MAPRE2: variants seen among roughly 807,000 people sequenced by gnomAD.
MAPRE2 encodes the protein microtubule-associated protein RP/EB family member 2.
MAPRE2 carries 13 observed loss-of-function variants against 43.2 expected under a neutral mutation model. That is an observed-to-expected ratio of 0.30 (90% CI 0.20 to 0.48). MAPRE2 has a LOEUF of 0.48. Among genes scored for constraint, MAPRE2 ranks in the 20% least tolerant of loss-of-function variants. MAPRE2 has a pLI of 0.99. For missense variants in MAPRE2, 161 were observed against 400.2 expected, an observed-to-expected ratio of 0.40 and a Z score of 5.10; for synonymous variants, 135 against 148.8, an observed-to-expected ratio of 0.91 and a Z score of 0.68.
At chr18:35,136,170 G>C (rs935769198) in intron 6 of MAPRE2, among the ~76,000 whole-genome samples, 1 of 152,190 alleles carries the variant, frequency 6.6e-6, no homozygotes, top group Non-Finnish European at 1.5e-5. Context: ...TTCCAGAGCA[G>C]ATACTTATTC....
intron 4 of MAPRE2, 148 bp downstream of exon 4, chr18:35,102,307 C>T: frequency 1.7e-6 from 1 of 581,992 alleles, no homozygotes; most frequent in African/African-American, 2.0e-5. Flanking sequence ...TCTGTTTCAC[C>T]ACATTTATCT....
chr18:35,085,937 C>CT (rs1188937834), intron 2 of MAPRE2, among the ~76,000 whole-genome samples: 2 of 152,104 alleles, frequency 1.3e-5, no homozygotes, highest in Non-Finnish European at 2.9e-5. Context: ...AGATAATAAG[C>CT]TTTTTTACAA....
intron 1 of MAPRE2, among the ~76,000 whole-genome samples, chr18:35,067,721 A>G (rs1419048659): frequency 1.3e-5 from 2 of 152,192 alleles, no homozygotes; most frequent in Non-Finnish European, 2.9e-5. Flanking sequence ...ACCGCTAGAA[A>G]AGCCCATCAG....
intron 2 of MAPRE2, among the ~76,000 whole-genome samples, chr18:35,073,210 C>T (rs965830718): frequency 2.0e-5 from 3 of 152,146 alleles, no homozygotes; most frequent in Non-Finnish European, 4.4e-5. Context: ...ATTATCCAAA[C>T]GTCCTTGGAA....
chr18:35,138,203 G>A (rs1394319007), intron 6 of MAPRE2, among the ~76,000 whole-genome samples: 1 of 152,132 alleles, frequency 6.6e-6, no homozygotes, highest in Non-Finnish European at 1.5e-5. Flanking sequence ...GGGTCGATCC[G>A]GCAGAAGGGG....
At chr18:35,123,079 G>T (rs886910986) in intron 4 of MAPRE2, among the ~76,000 whole-genome samples, 2 of 152,216 alleles carry the variant, frequency 1.3e-5, no homozygotes, top group African/African-American at 4.8e-5. Context: ...TTCTCCCTGC[G>T]TGTCTCACTG....
intron 1 of MAPRE2, among the ~76,000 whole-genome samples, chr18:35,045,562 G>T (rs1273973651): frequency 6.6e-6 from 1 of 152,186 alleles, no homozygotes; most frequent in African/African-American, 2.4e-5. Flanking sequence ...ACATGCTGTT[G>T]TTAAGGAAAA....
At chr18:35,076,131 C>G (rs188051572) in intron 2 of MAPRE2, among the ~76,000 whole-genome samples, 3 of 152,254 alleles carry the variant, frequency 2.0e-5, no homozygotes, top group Non-Finnish European at 4.4e-5. Context: ...AAGCAACCAG[C>G]CACATCTTCG....
intron 5 of MAPRE2, among the ~76,000 whole-genome samples, chr18:35,130,143 AGGG>A (rs1354722396): frequency 1.4e-5 from 2 of 146,960 alleles, no homozygotes; most frequent in Non-Finnish European, 3.0e-5. Context: ...TGCCTGGTAC[AGGG>A]GGCTGGGGGG....
At chr18:35,084,164 C>T (rs1907765198) in intron 2 of MAPRE2, among the ~76,000 whole-genome samples, 1 of 152,094 alleles carries the variant, frequency 6.6e-6, no homozygotes, top group Admixed American at 6.5e-5. Flanking sequence ...ATCCCAGCTA[C>T]TTGGGAGGCT....
chr18:34,994,409 T>C (rs1235008144), intron 1 of MAPRE2, among the ~76,000 whole-genome samples: 2 of 151,900 alleles, frequency 1.3e-5, no homozygotes, highest in African/African-American at 4.8e-5. Flanking sequence ...GCTTTTTTTT[T>C]TCTTTTCCTA....
At chr18:34,985,357 A>T (rs1304858184) in intron 1 of MAPRE2, among the ~76,000 whole-genome samples, 20 of 40,996 alleles carry the variant, frequency 4.9e-4, no homozygotes, top group African/African-American at 1.8e-3. Flanking sequence ...TATTATATAT[A>T]TAATATAATA....
intron 2 of MAPRE2, among the ~76,000 whole-genome samples, chr18:35,093,965 G>C (rs1339449675): frequency 2.0e-5 from 3 of 152,246 alleles, no homozygotes; most frequent in Non-Finnish European, 4.4e-5. Context: ...GACTTATATT[G>C]ACCTTTCTCA....
At chr18:35,098,243 A>G (rs1337845549) in intron 3 of MAPRE2, among the ~76,000 whole-genome samples, 1 of 152,232 alleles carries the variant, frequency 6.6e-6, no homozygotes, top group Non-Finnish European at 1.5e-5. Flanking sequence ...CTATTTAAAT[A>G]CATACTTAAT....
At chr18:35,124,554 A>G (rs1266081429) in intron 4 of MAPRE2, among the ~76,000 whole-genome samples, 1 of 152,208 alleles carries the variant, frequency 6.6e-6, no homozygotes, top group Non-Finnish European at 1.5e-5. Context: ...ACTGAGCTAG[A>G]GAACAAAGAC....
chr18:35,010,848 T>C (rs1431117572), intron 2 of MAPRE2, among the ~76,000 whole-genome samples: 2 of 152,212 alleles, frequency 1.3e-5, no homozygotes, highest in African/African-American at 4.8e-5. Context: ...CAAATAAATA[T>C]AGAGAGGTAG....
chr18:35,035,963 T>C (rs1393611575), intron 2 of MAPRE2, among the ~76,000 whole-genome samples: 1 of 146,814 alleles, frequency 6.8e-6, no homozygotes, highest in Non-Finnish European at 1.5e-5. Context: ...TTAAGACCTA[T>C]ATATTCCCTT....
chr18:35,026,556 C>T (rs1034852241), intron 2 of MAPRE2, among the ~76,000 whole-genome samples: 12 of 151,970 alleles, frequency 7.9e-5, no homozygotes, highest in African/African-American at 1.7e-4. Flanking sequence ...TGAAAACAGG[C>T]GCAGTCTGCA....
intron 1 of MAPRE2, chr18:34,988,753 A>G (rs1479453312): frequency 1.3e-5 from 2 of 152,180 alleles, no homozygotes; most frequent in Non-Finnish European, 2.9e-5. Flanking sequence ...TGCTCCTCAG[A>G]ACCTTAAAGT....
Sources: allele counts gnomAD v4.1 joint callset (sites outside exome capture counted in the v4.1 genomes callset), GRCh38; gene constraint gnomAD v4.1.1; transcripts MANE v1.5; gene names NCBI Gene and HGNC (gene_info 2026-07-23, HGNC 2026-07-21).